The following DOCK3 variants were observed in gnomAD, a reference collection of about 807,000 sequenced individuals.
DOCK3 encodes the protein dedicator of cytokinesis protein 3.
Under a neutral mutation model 265.6 loss-of-function variants are expected in DOCK3, and 60 were observed. That is an observed-to-expected ratio of 0.23 (90% CI 0.18 to 0.28). DOCK3 has a LOEUF of 0.28. Ranked by LOEUF, DOCK3 falls within the 10% of genes least tolerant of loss-of-function variation. The pLI, the probability that DOCK3 is intolerant of heterozygous loss-of-function variation, is 1.00. For missense variants in DOCK3, 1,981 were observed against 2,594.3 expected, an observed-to-expected ratio of 0.76 and a Z score of 5.14; for synonymous variants, 881 against 938.0, an observed-to-expected ratio of 0.94 and a Z score of 1.11.
chr3:51,048,465 G>A (rs1406911608), intron 5 of DOCK3, among the ~76,000 whole-genome samples: 1 of 152,112 alleles, frequency 6.6e-6, no homozygotes, highest in African/African-American at 2.4e-5. Context: ...TCTTGGAGAT[G>A]GGACCCCAAG....
At chr3:51,139,715 T>TA (rs1174062449) in intron 9 of DOCK3, among the ~76,000 whole-genome samples, 40 of 152,210 alleles carry the variant, frequency 2.6e-4, no homozygotes, top group Non-Finnish European at 1.6e-4. Flanking sequence ...AGTGAGTAAG[T>TA]AAAGGGAAGA....
intron 3 of DOCK3, among the ~76,000 whole-genome samples, chr3:50,845,472 A>G (rs1340217185): frequency 1.3e-5 from 2 of 152,192 alleles, no homozygotes; most frequent in Non-Finnish European, 2.9e-5. Context: ...TGTTTTGCAC[A>G]GCAAAAAATT....
rs2081478078 is a variant in DOCK3 at position 51,287,584 on chromosome 3, CAAGTCTCAAAATAGTAAAAAT to C, written c.2922+7381_2922+7401del. Among the ~76,000 whole-genome samples the C allele has an allele frequency of 2.6e-5, 4 of 151,924 alleles. No individual in the cohort carries two copies. In the South Asian group the frequency reaches 8.3e-4, roughly 32 times the overall value. On this transcript the variant is annotated intron_variant, in intron 27 of 52. Transcript: ENST00000266037. ...AAATTAAAATTAAAAAATTAAAAGT[CAAGTCTCAAAATAGTAAAAAT>C]TAAAATTAAAAAATTAAAAGTCAAA...
intron 5 of DOCK3, among the ~76,000 whole-genome samples, chr3:51,062,458 A>G (rs1323037278): frequency 6.6e-6 from 1 of 152,134 alleles, no homozygotes; most frequent in East Asian, 1.9e-4. Context: ...ATTCAGGTGT[A>G]TTCTCAAAGT....
chr3:51,249,914 A>C (rs2079105677), intron 22 of DOCK3, among the ~76,000 whole-genome samples: 1 of 150,054 alleles, frequency 6.7e-6, no homozygotes, highest in Admixed American at 6.6e-5. Context: ...GAGACTTTTC[A>C]TTTTGTTCTG....
chr3:51,040,760 A>G (rs1318376775), intron 5 of DOCK3, among the ~76,000 whole-genome samples: 2 of 152,174 alleles, frequency 1.3e-5, no homozygotes, highest in African/African-American at 2.4e-5. Context: ...TATAATTTCA[A>G]TAATGTTCAC....
At chr3:51,258,018 G>A (rs781260384) in intron 22 of DOCK3, among the ~76,000 whole-genome samples, 23 of 152,148 alleles carry the variant, frequency 1.5e-4, no homozygotes, top group Non-Finnish European at 2.8e-4. Flanking sequence ...GGTTTTCATG[G>A]AGACTTCTCT....
chr3:51,035,066 G>A (rs989418895), intron 5 of DOCK3, among the ~76,000 whole-genome samples: 1 of 151,732 alleles, frequency 6.6e-6, no homozygotes, highest in African/African-American at 2.4e-5. Flanking sequence ...GTCTGTTTGC[G>A]ATTCATTGAG....
At chr3:51,261,611 C>A (rs1389244011) in intron 23 of DOCK3, among the ~76,000 whole-genome samples, 1 of 152,170 alleles carries the variant, frequency 6.6e-6, no homozygotes, top group African/African-American at 2.4e-5. Flanking sequence ...GACAAGCGGT[C>A]TAGTTCAGTG....
Position 50,835,761 on chromosome 3 carries a change from A to C in DOCK3, c.122-5914A>C, listed in dbSNP as rs577431490. On this transcript the variant is annotated intron_variant, in intron 2 of 52. Transcript: ENST00000266037. ...TTTTTGTAGCAGATTCTGGATCTTCAAAAGGGAAACCTTATGGAACAAGAC... is the reference window on the plus strand; with the variant it reads ...TTTTTGTAGCAGATTCTGGATCTTCCAAAGGGAAACCTTATGGAACAAGAC... Among the ~76,000 whole-genome samples the C allele has an allele frequency of 2.6e-5, 4 of 152,340 alleles. No individual in the cohort carries two copies. In the East Asian group the frequency reaches 7.7e-4, roughly 29 times the overall value.
intron 1 of DOCK3, chr3:50,719,468 A>G: frequency 1.3e-6 from 1 of 753,900 alleles, no homozygotes; most frequent in Non-Finnish European, 2.2e-6. Context: ...AAGATAAAGC[A>G]CAAGTCAAAT....
chr3:50,902,924 C>T (rs1292415716), intron 4 of DOCK3, among the ~76,000 whole-genome samples: 1 of 152,158 alleles, frequency 6.6e-6, no homozygotes, highest in African/African-American at 2.4e-5. Context: ...ATTTTATTCT[C>T]TTTGTAGCAG....
intron 32 of DOCK3, among the ~76,000 whole-genome samples, chr3:51,327,749 G>A (rs1177672160): frequency 2.1e-5 from 3 of 144,416 alleles, no homozygotes; most frequent in Admixed American, 1.4e-4. Flanking sequence ...GCACAATCTC[G>A]GCTCACTGCA....
In DOCK3 at chr3:50,850,650, A is replaced by AT. The variant is rs1367701705; in HGVS notation, c.162+8941dup. ...TAAAAATTATTTTTGTGTGAATAGG[A>AT]TTTTTTCTTTTTCTTTCTTTCCCTA... is the stretch of plus-strand genomic sequence containing the variant. On this transcript the variant is annotated intron_variant, in intron 3 of 52. Transcript: ENST00000266037. Among the ~76,000 whole-genome samples, 5 of 151,914 alleles carry AT rather than the reference A, an allele frequency of 3.3e-5. No homozygotes were observed. The East Asian group carries it at 9.7e-4, about 29-fold the overall frequency.
chr3:50,785,740 T>C (rs770430416), intron 2 of DOCK3, among the ~76,000 whole-genome samples: 1 of 152,214 alleles, frequency 6.6e-6, no homozygotes, highest in Non-Finnish European at 1.5e-5. Flanking sequence ...TTTTTACATC[T>C]ATGTTCATCA....
rs1412590860 is a variant in DOCK3, at chr3:51,151,496, A to C, written c.828+4866A>C. Among the ~76,000 whole-genome samples the C allele has an allele frequency of 2.0e-5, 3 of 152,198 alleles. No homozygotes were observed. In the East Asian group the frequency reaches 5.8e-4, roughly 29 times the overall value. On this transcript the variant is annotated intron_variant, in intron 10 of 52. Transcript: ENST00000266037. ...CCCCACTGTCAATATTAGACAGATC[A>C]ATGAGACAGAAGGTTATAGGTAGAT...
At chr3:51,145,933 G>A (rs1275714487) in intron 9 of DOCK3, among the ~76,000 whole-genome samples, 1 of 152,136 alleles carries the variant, frequency 6.6e-6, no homozygotes, top group Non-Finnish European at 1.5e-5. Context: ...ACAATATTGT[G>A]AAGTTCACAA....
intron 10 of DOCK3, among the ~76,000 whole-genome samples, chr3:51,156,915 A>G (rs542990257): frequency 1.0e-3 from 153 of 152,332 alleles, no homozygotes; most frequent in African/African-American, 3.5e-3. Context: ...GAACATTTCT[A>G]TATCCTTCAG....
chr3:50,949,177 A>G (rs1312950894), intron 5 of DOCK3, among the ~76,000 whole-genome samples: 6 of 152,190 alleles, frequency 3.9e-5, no homozygotes, highest in South Asian at 2.1e-4. Flanking sequence ...TTTGGACTCT[A>G]TAAAAAAAAA....
Sources: gnomAD v4.1 joint callset for allele counts (sites outside exome capture counted in the v4.1 genomes callset) on GRCh38, gnomAD v4.1.1 for gene constraint, MANE v1.5 for transcripts, NCBI Gene and HGNC (gene_info 2026-07-23, HGNC 2026-07-21) for gene names.